Variants in ATG7 observed in about 807,000 individuals in gnomAD.
The protein encoded by ATG7 is ubiquitin-like modifier-activating enzyme ATG7.
In ATG7, 70 loss-of-function variants were observed where a neutral mutation model predicts 82.4. The observed-to-expected ratio is 0.85, with a 90% confidence interval of 0.70 to 1.04. The LOEUF is 1.04. Among genes scored for constraint, ATG7 ranks in the 50% least tolerant of loss-of-function variants. The pLI, the probability that ATG7 is intolerant of heterozygous loss-of-function variation, is 0.00. For synonymous variants in ATG7, 287 were observed against 313.0 expected, an observed-to-expected ratio of 0.92 and a Z score of 0.88; for missense variants, 792 against 864.3, an observed-to-expected ratio of 0.92 and a Z score of 1.05.
intron 20 of ATG7, among the ~76,000 whole-genome samples, chr3:11,543,430 C>A (rs949792032): frequency 6.6e-6 from 1 of 152,230 alleles, no homozygotes; most frequent in East Asian, 1.9e-4. Flanking sequence ...CAGCCCTCAG[C>A]TGCCTGTGTC....
At position 11,491,488 on chromosome 3, in the gene ATG7, C is replaced by T. The variant is rs202032193; in HGVS notation, c.2080-63323C>T. Reference sequence around the variant, plus strand: ...CTCTCAACTCGTCAAAGTCATTCTCCGTCCAGCTTTGTTCCATTGCTGGTG... The same window carrying T: ...CTCTCAACTCGTCAAAGTCATTCTCTGTCCAGCTTTGTTCCATTGCTGGTG... On this transcript the variant is annotated intron_variant, in intron 20 of 20. Coordinates refer to ENST00000693202, the MANE Select transcript of ATG7 (RefSeq NM_001349232.2). Among the ~76,000 whole-genome samples the T allele has an allele frequency of 7.2e-5, 11 of 152,268 alleles. 1 individual carries two copies. The highest frequency in any genetic ancestry group is 1.9e-4 in the East Asian group (1 of 5,186).
chr3:11,444,168 G>C (rs1169244148), intron 20 of ATG7, among the ~76,000 whole-genome samples: 1 of 152,152 alleles, frequency 6.6e-6, no homozygotes, highest in Admixed American at 6.6e-5. Context: ...TCGTTGCTAT[G>C]TAGTGTTTCA....
chr3:11,302,147 A>C (rs1946881383), intron 5 of ATG7, among the ~76,000 whole-genome samples: 2 of 152,240 alleles, frequency 1.3e-5, no homozygotes, highest in African/African-American at 2.4e-5. Context: ...CCATTGTGTG[A>C]AAATAGCCCT....
intron 20 of ATG7, among the ~76,000 whole-genome samples, chr3:11,458,358 G>T (rs1020796858): frequency 6.6e-6 from 1 of 151,938 alleles, no homozygotes; most frequent in Non-Finnish European, 1.5e-5. Context: ...CCGCCTCCTG[G>T]GTTCACGCCA....
At position 11,360,699 on chromosome 3, in the gene ATG7, ACCT is replaced by A; in HGVS notation, c.1602_1604del (p.Leu535del). The A allele has an allele frequency of 3.1e-6, 5 of 1,614,078 alleles. No homozygotes were observed. Among genetic ancestry groups the A allele is most frequent in the East Asian group, 4.5e-5 (2 of 44,866 alleles). On this transcript the variant is annotated inframe_deletion, in exon 16 of 21. Transcript: ENST00000693202. ...CCAAACCACCCTGTGGCATCTGCTG[ACCT>A]CCTGGGCTCATCGCTTTTTGCCAAC...
chr3:11,306,979 T>A lies in ATG7; in HGVS notation c.252T>A (p.Ile84=). The A allele has an allele frequency of 6.2e-7, 1 of 1,614,092 alleles. No individual in the cohort carries two copies. The highest frequency in any genetic ancestry group is 8.5e-7 in the Non-Finnish European group (1 of 1,179,988). Residue 84 remains isoleucine, a synonymous_variant, in exon 6 of 21, where the codon ATT becomes ATA. Coordinates refer to ENST00000693202, the MANE Select transcript of ATG7 (RefSeq NM_001349232.2). ...APTPARCCPA[I]GTLYNTNTLE... is the part of the protein sequence containing the mutation. ...CCCCAGCCCGTTGCTGCCCAGCTAT[T>A]GGAACACTGTATAACACCAACACAC...
At chr3:11,400,296 G>C (rs2079708747) in intron 19 of ATG7, among the ~76,000 whole-genome samples, 1 of 152,162 alleles carries the variant, frequency 6.6e-6, no homozygotes, top group Non-Finnish European at 1.5e-5. Context: ...ATTTAAGCCA[G>C]GGTATATGAA....
At chr3:11,500,141 TA>T (rs2091211432) in intron 20 of ATG7, among the ~76,000 whole-genome samples, 1 of 152,200 alleles carries the variant, frequency 6.6e-6, no homozygotes, top group Non-Finnish European at 1.5e-5. Flanking sequence ...TAATGCTCTT[TA>T]ATTCAATAGC....
intron 20 of ATG7, among the ~76,000 whole-genome samples, chr3:11,451,824 CCT>C (rs2085180056): frequency 1.3e-5 from 2 of 150,222 alleles, no homozygotes; most frequent in African/African-American, 2.4e-5. Flanking sequence ...CCCAGGCTGC[CCT>C]GTCTCTCTCT....
chr3:11,570,964 G>A, the ATG7 span, among the ~76,000 whole-genome samples: 2,906 of 152,288 alleles, frequency 0.019, 47 homozygotes, highest in South Asian at 0.051. Flanking sequence ...GTCAAGCTGC[G>A]TCACTCCTCT....
chr3:11,309,829 G>A (rs1196147923), intron 7 of ATG7, among the ~76,000 whole-genome samples: 1 of 152,016 alleles, frequency 6.6e-6, no homozygotes, highest in Non-Finnish European at 1.5e-5. Context: ...TCAAATGTAT[G>A]TTTCATAGAT....
At chr3:11,372,678 T>C (rs1022565465) in intron 18 of ATG7, among the ~76,000 whole-genome samples, 6 of 151,106 alleles carry the variant, frequency 4.0e-5, no homozygotes, top group Non-Finnish European at 4.4e-5. Flanking sequence ...ATTTTTTCTG[T>C]ATATTTTACT....
At chr3:11,456,869 T>C (rs749066197) in intron 20 of ATG7, among the ~76,000 whole-genome samples, 1 of 152,218 alleles carries the variant, frequency 6.6e-6, no homozygotes, top group South Asian at 2.1e-4. Context: ...GCCCCAGTAT[T>C]GGAGGCTACT....
chr3:11,402,635 C>A (rs2079948288), intron 19 of ATG7, among the ~76,000 whole-genome samples: 1 of 152,112 alleles, frequency 6.6e-6, no homozygotes, highest in African/African-American at 2.4e-5. Flanking sequence ...CCAGCCTGGG[C>A]AACATAGTGA....
chr3:11,394,736 G>T (rs148434149), intron 19 of ATG7, among the ~76,000 whole-genome samples: 1 of 152,190 alleles, frequency 6.6e-6, no homozygotes, highest in Non-Finnish European at 1.5e-5. Context: ...CCCGGAAACC[G>T]TAAGGCTTCC....
chr3:11,505,972 A>C (rs1317598224), intron 20 of ATG7, among the ~76,000 whole-genome samples: 1 of 152,222 alleles, frequency 6.6e-6, no homozygotes. Flanking sequence ...AGATCAAGGC[A>C]GTCACAGTCA....
rs1381579598 is a variant in ATG7, at chr3:11,548,989, G to A, written c.2080-5822G>A. Among the ~76,000 whole-genome samples, 5 of 152,194 alleles carry A rather than the reference G, an allele frequency of 3.3e-5. No individual in the cohort carries two copies. In the East Asian group the frequency reaches 9.6e-4, roughly 29 times the overall value. ...TGTGTGTCACCAGGGAGGTATGAGA[G>A]TGGTTCCACCACAGGCTCACAAACA... On this transcript the variant is annotated intron_variant, in intron 20 of 20. Coordinates refer to ENST00000693202, the MANE Select transcript of ATG7 (RefSeq NM_001349232.2).
At chr3:11,292,437 T>G (rs1945142143) in intron 3 of ATG7, among the ~76,000 whole-genome samples, 2 of 152,058 alleles carry the variant, frequency 1.3e-5, no homozygotes, top group African/African-American at 4.8e-5. Flanking sequence ...TTTTTGTATT[T>G]TTAGTAGAGA....
chr3:11,454,387 A>C (rs767809113), intron 20 of ATG7, among the ~76,000 whole-genome samples: 1 of 152,216 alleles, frequency 6.6e-6, no homozygotes, highest in African/African-American at 2.4e-5. Flanking sequence ...AGGTATGATG[A>C]AACTTTGGCT....
Sources: allele counts gnomAD v4.1 joint callset (sites outside exome capture counted in the v4.1 genomes callset), GRCh38; gene constraint gnomAD v4.1.1; transcripts MANE v1.5; gene names NCBI Gene and HGNC (gene_info 2026-07-23, HGNC 2026-07-21).